The following BCAN variants were observed in gnomAD, a reference collection of about 807,000 sequenced individuals.
BCAN encodes brevican, also known as brevican core protein.
A neutral mutation model predicts 92.4 loss-of-function variants in BCAN; 51 were observed. That is an observed-to-expected ratio of 0.55 (90% CI 0.44 to 0.70). BCAN has a LOEUF of 0.70. BCAN is among the 30% of genes least tolerant of loss of function. BCAN has a pLI of 0.00. For missense variants in BCAN, 1,140 were observed against 1,212.1 expected (o/e 0.94, Z 0.88); for synonymous variants, 501 against 505.2 (o/e 0.99, Z 0.11).
Position 156,657,115 on chromosome 1 carries a change from C to T in BCAN, c.2209+19C>T. The stretch of plus-strand genomic sequence containing the variant: ...ATCAACAGTGGGCTGGGAGACAGGG[C>T]GGGAGGGGCCCCTGCCATATGCTCT... On this transcript the variant is annotated intron_variant, in intron 10 of 13. Transcript: ENST00000329117. 1 of 1,586,250 alleles carries T rather than the reference C, an allele frequency of 6.3e-7. No individual in the cohort carries two copies. The highest frequency in any genetic ancestry group is 8.6e-7 in the Non-Finnish European group (1 of 1,160,688).
chr1:156,659,006 G>A (rs369917302), intron 13 of BCAN, 21 bp from the exon 14 acceptor site: 10 of 1,571,714 alleles, frequency 6.4e-6, no homozygotes, highest in South Asian at 3.5e-5. Context: ...AGGGTGGAGG[G>A]TGAGTGTGTG....
At chr1:156,653,218 A>G in intron 8 of BCAN, 1 of 1,299,342 alleles carries the variant, frequency 7.7e-7, no homozygotes, top group Non-Finnish European at 9.7e-7. Context: ...AAGGGTCCTC[A>G]TCACCTATTG....
rs1186547730 is a variant in BCAN at position 156,657,879 on chromosome 1, G to A, written c.2292+122G>A. 5 of 860,774 alleles carry A rather than the reference G, an allele frequency of 5.8e-6. No homozygotes were observed. In the East Asian group the frequency reaches 1.1e-4, roughly 19 times the overall value. 53.3% of individuals were successfully genotyped at this position (860,774 alleles called of 1,614,324 possible). ...TTTCCGGCCTCCTTCCCTTTCTCGT[G>A]CCCTGTGCCTCTTCTCCCTGGGCTC... On this transcript the variant is annotated intron_variant, in intron 11 of 13. Coordinates refer to ENST00000329117, the MANE Select transcript of BCAN (RefSeq NM_021948.5).
At chr1:156,646,669 GGCC>G (rs1678980253) in intron 2 of BCAN, 129 bp from the exon 3 acceptor site, 1 of 1,410,632 alleles carries the variant, frequency 7.1e-7, no homozygotes, top group Non-Finnish European at 9.3e-7. Flanking sequence ...CCTGGCCCCT[GGCC>G]CCTGGTCCTA....
In BCAN at chr1:156,657,710, G is replaced by A. The variant is rs751771805; in HGVS notation, c.2245G>A (p.Asp749Asn). Residue 749 changes from aspartate to asparagine, a missense_variant, in exon 11 of 14, where the codon GAC becomes AAC. Transcript: ENST00000329117. ...YREYQWIGLNDRTIEGDFLWS... is the reference protein window; with the variant it reads ...YREYQWIGLNNRTIEGDFLWS... Reference sequence around the variant, plus strand: ...GGAGTACCAGTGGATCGGACTCAACGACAGGACCATCGAAGGCGACTTCTT... The same window carrying A: ...GGAGTACCAGTGGATCGGACTCAACAACAGGACCATCGAAGGCGACTTCTT... The A allele has an allele frequency of 5.0e-6, 8 of 1,612,408 alleles. No homozygotes were observed. The highest frequency in any genetic ancestry group is 1.1e-5 in the South Asian group (1 of 91,014).
intron 5 of BCAN, among the ~76,000 whole-genome samples, chr1:156,648,364 C>T (rs1679054159): frequency 6.6e-6 from 1 of 152,148 alleles, no homozygotes; most frequent in South Asian, 2.1e-4. Flanking sequence ...CATGACTCTG[C>T]AGAACAAGAA....
chr1:156,644,915 A>G (rs1678910878), intron 1 of BCAN: 1 of 152,178 alleles, frequency 6.6e-6, no homozygotes, highest in African/African-American at 2.4e-5. Context: ...ATGCTCTTCT[A>G]AGTTTAGCCC....
At chr1:156,652,152 C>T in intron 7 of BCAN, 96 bp from the exon 8 acceptor site, 9 of 1,482,994 alleles carry the variant, frequency 6.1e-6, no homozygotes, top group Non-Finnish European at 8.1e-6. Flanking sequence ...CCCCAGGGCT[C>T]ACCCTCCTGA....
At position 156,652,524 on chromosome 1, in the gene BCAN, G is replaced by A. The variant is rs143971433; in HGVS notation, c.1574G>A (p.Gly525Glu). 6.0e-5 allele frequency: 97 copies of A among 1,612,734 alleles called. No homozygotes were observed. In the African/African-American group the frequency reaches 1.1e-3, roughly 18 times the overall value. The change falls in exon 8 of 14, where the codon GGA (glycine) becomes GAA (glutamate). Residue 525 changes from glycine (G) to glutamate (E), a missense_variant. Physicochemically the swap from Gly to Glu is moderately conservative, Grantham distance 98 (BLOSUM62 -2). Around this residue, in one of 3 missense-constraint regions of BCAN, gnomAD observed 825 missense variants for 871.8 expected, o/e 0.95. Coordinates refer to ENST00000329117, the MANE Select transcript of BCAN (RefSeq NM_021948.5). ...CCTGGTGCATCACCACTTCCTGATG[G>A]AGAGTCAGAAGCTTCCAGGCCTCCA... ...LQPGASPLPD[G>E]ESEASRPPRV...
chr1:156,646,809 G>C lies in BCAN; in HGVS notation c.100G>C (p.Ala34Pro), dbSNP rs567392571. 1 of 1,563,940 alleles carries C rather than the reference G, an allele frequency of 6.4e-7. No homozygotes were observed. The highest frequency in any genetic ancestry group is 2.3e-5 in the East Asian group (1 of 44,118). Reference sequence around the variant, plus strand: ...GCTCCACCCGTTCACAGAGGACCGCGCTTTTCGCGTGCGCATCGCGGGCGA... The same window carrying C: ...GCTCCACCCGTTCACAGAGGACCGCCCTTTTCGCGTGCGCATCGCGGGCGA... ...VLEGDSSEDR[A>P]FRVRIAGDAP... The change falls in exon 3 of 14, where the codon GCT becomes CCT. Residue 34 changes from alanine to proline, a missense_variant. Around this residue, in one of 3 missense-constraint regions of BCAN, gnomAD observed 286 missense variants for 284.1 expected, o/e 1.01. Coordinates refer to ENST00000329117, the MANE Select transcript of BCAN (RefSeq NM_021948.5).
intron 11 of BCAN, 38 bp downstream of exon 11, chr1:156,657,795 T>G (rs1268196865): frequency 6.4e-7 from 1 of 1,567,140 alleles, no homozygotes; most frequent in Non-Finnish European, 8.7e-7. Context: ...TCTAGCTCAC[T>G]TCCTCTAAGC....
intron 8 of BCAN, chr1:156,653,140 C>T (rs1283693900): frequency 7.1e-6 from 10 of 1,404,706 alleles, no homozygotes; most frequent in Non-Finnish European, 8.3e-6. Context: ...GTGACCCTTC[C>T]CTGCCATTGG....
Position 156,648,574 on chromosome 1 carries a change from T to G in BCAN, c.776T>G (p.Leu259Arg). 2 of 1,584,850 alleles carry G rather than the reference T, an allele frequency of 1.3e-6. No individual in the cohort carries two copies. Among genetic ancestry groups the G allele is most frequent in the Non-Finnish European group, 1.7e-6 (2 of 1,156,642 alleles). The change falls in exon 6 of 14, where the codon CTG (leucine) becomes CGG (arginine). Residue 259 changes from leucine to arginine, a missense_variant. By Grantham distance (102) the Leu-to-Arg change is moderately radical. Coordinates refer to ENST00000329117, the MANE Select transcript of BCAN (RefSeq NM_021948.5). ...CCTTCTCTTCTCCACCCAGGAGAAC[T>G]GTTCCTGGGTGACCCTCCAGAGAAG... ...YCYAEDLNGELFLGDPPEKLT... is the reference protein window; with the variant it reads ...YCYAEDLNGERFLGDPPEKLT...
In BCAN at chr1:156,659,413, C is replaced by T; in HGVS notation, c.*279C>T. The T allele has an allele frequency of 4.3e-6, 2 of 466,718 alleles. No individual in the cohort carries two copies. The highest frequency in any genetic ancestry group is 6.3e-5 in the South Asian group (2 of 31,552). The allele number at this position is 466,718 out of a possible 1,614,324, so 28.9% of individuals were successfully genotyped here. The stretch of plus-strand genomic sequence containing the variant: ...CTCCCTGGCAGCCATCTTGTCCCCT[C>T]TATTCCTCTAGGGAGCACTGTGCCC... On this transcript the variant is annotated 3_prime_UTR_variant, in exon 14 of 14. Coordinates refer to ENST00000329117, the MANE Select transcript of BCAN (RefSeq NM_021948.5).
rs762992077 is a variant in BCAN, at chr1:156,656,294, C to T, written c.1955C>T (p.Pro652Leu). The T allele has an allele frequency of 7.5e-6, 11 of 1,458,374 alleles. No individual in the cohort carries two copies. The highest frequency in any genetic ancestry group is 2.9e-5 in the Admixed American group (1 of 33,938). 90.3% of individuals were successfully genotyped at this position (1,458,374 alleles called of 1,614,324 possible). A position where few individuals can be genotyped will look rare whatever the true frequency, so the allele number is the denominator to read the frequency against. The change falls in exon 9 of 14, where the codon CCC becomes CTC. Residue 652 changes from proline (P) to leucine (L), a missense_variant. Physicochemically the swap from Pro to Leu is moderately conservative, Grantham distance 98. This residue lies in a region of BCAN where 825 missense variants were observed against 871.8 expected (regional missense o/e 0.95). Coordinates refer to ENST00000329117, the MANE Select transcript of BCAN (RefSeq NM_021948.5). ...TTCCCCCTCTCAGGTGACTGTGTCCCCAGCCCCTGCCACAATGGTGGGACA... is the reference window on the plus strand; with the variant it reads ...TTCCCCCTCTCAGGTGACTGTGTCCTCAGCCCCTGCCACAATGGTGGGACA... Reference protein sequence around the residue: ...AVVPASGDCVPSPCHNGGTCL... With the variant: ...AVVPASGDCVLSPCHNGGTCL...
intron 6 of BCAN, 39 bp from the exon 7 acceptor site, chr1:156,651,417 C>T (rs1571444935): frequency 6.5e-7 from 1 of 1,547,502 alleles, no homozygotes; most frequent in East Asian, 2.3e-5. Flanking sequence ...GGCAGAGCTA[C>T]CTATTCAGGC....
At chr1:156,657,551 C>A in intron 10 of BCAN, 124 bp from the exon 11 acceptor site, 2 of 724,498 alleles carry the variant, frequency 2.8e-6, no homozygotes, top group Non-Finnish European at 4.5e-6. Context: ...TAGAAGAACC[C>A]GACAAGGGCG....
At position 156,648,838 on chromosome 1, in the gene BCAN, G is replaced by A. The variant is rs1245040424; in HGVS notation, c.1040G>A (p.Arg347His). 4.4e-6 allele frequency: 7 copies of A among 1,574,138 alleles called. No homozygotes were observed. In the Admixed American group the frequency reaches 5.1e-5, roughly 12 times the overall value. Residue 347 changes from arginine (R) to histidine (H), a missense_variant, in exon 6 of 14, where the codon CGC becomes CAC. Coordinates refer to ENST00000329117, the MANE Select transcript of BCAN (RefSeq NM_021948.5). ...ACTGGCTTCCCCAATAAGCACAGCCGCTTCAACGTCTACTGCTTCCGAGGT... is the reference window on the plus strand; with the variant it reads ...ACTGGCTTCCCCAATAAGCACAGCCACTTCAACGTCTACTGCTTCCGAGGT... ...NQTGFPNKHS[R>H]FNVYCFRDSA...
chr1:156,657,893 C>A, intron 11 of BCAN, 136 bp downstream of exon 11: 1 of 828,034 alleles, frequency 1.2e-6, no homozygotes, highest in Non-Finnish European at 1.9e-6. Flanking sequence ...TGTGCCTCTT[C>A]TCCCTGGGCT....
Sources: gnomAD v4.1 joint callset for allele counts (sites outside exome capture counted in the v4.1 genomes callset) on GRCh38, gnomAD v4.1.1 for gene constraint, gnomAD v4.1.1 regional missense constraint, MANE v1.5 for transcripts, NCBI Gene and HGNC (gene_info 2026-07-23, HGNC 2026-07-21) for gene names.